FRMPD4: variants seen among roughly 807,000 people sequenced by gnomAD.
FRMPD4 encodes FERM and PDZ domain-containing protein 4.
In FRMPD4, 22 loss-of-function variants were observed where a neutral mutation model predicts 94.1. That is an observed-to-expected ratio of 0.23 (90% CI 0.17 to 0.33). The LOEUF is 0.33. FRMPD4 is among the 10% of genes least tolerant of loss of function. The probability of loss-of-function intolerance (pLI) is 1.00; values close to 1 mark genes in which losing one functional copy is unlikely to be tolerated. For missense variants in FRMPD4, 1,111 were observed against 1,339.9 expected (o/e 0.83, Z 2.67); for synonymous variants, 631 against 548.6 (o/e 1.15, Z -2.10).
At chrX:11,888,895 C>T (rs764400622) in intron 3 of FRMPD4, among the ~76,000 whole-genome samples, 14 of 112,236 alleles carry the variant, frequency 1.2e-4, no homozygotes, top group South Asian at 3.7e-4. Context: ...AGTTGCTCAA[C>T]GCAGGGTTGC....
intron 1 of FRMPD4, among the ~76,000 whole-genome samples, chrX:12,360,614 A>G (rs1427671443): frequency 8.9e-6 from 1 of 111,807 alleles, no homozygotes; most frequent in East Asian, 2.8e-4. Flanking sequence ...GCCAACTGAT[A>G]CAAATTCCTT....
rs2059134850 is a variant in FRMPD4, at chrX:12,606,689, G to A, written c.159-3032G>A. ...CTTCCTCAATTTTATGTCTGCTGTG[G>A]AAAATGGTGAAAACTCAGAATTCAG... On this transcript the variant is annotated intron_variant, in intron 2 of 16. Coordinates refer to ENST00000675598, the MANE Select transcript of FRMPD4 (RefSeq NM_001368397.1). 3.6e-5 allele frequency among the ~76,000 whole-genome samples: 4 copies of A among 111,446 alleles called. No individual in the cohort carries two copies. The Admixed American group carries it at 3.8e-4, about 11-fold the overall frequency.
chrX:11,826,157 T>C (rs1199338549), intron 1 of FRMPD4, among the ~76,000 whole-genome samples: 3 of 112,090 alleles, frequency 2.7e-5, no homozygotes, highest in African/African-American at 6.5e-5. Flanking sequence ...AGTTTTAGCA[T>C]ATTTTATTTT....
intron 3 of FRMPD4, among the ~76,000 whole-genome samples, chrX:11,953,488 AT>A (rs749651962): frequency 9.0e-6 from 1 of 111,370 alleles, no homozygotes; most frequent in Admixed American, 9.6e-5. Context: ...CCATTATCAA[AT>A]AAAAAGCAAA....
chrX:12,317,319 A>G (rs1392537106), intron 1 of FRMPD4, among the ~76,000 whole-genome samples: 1 of 111,391 alleles, frequency 9.0e-6, no homozygotes, highest in African/African-American at 3.3e-5. Flanking sequence ...ACCTAAAACT[A>G]TAAAACTACT....
chrX:12,590,741 A>C (rs764695978), intron 2 of FRMPD4, among the ~76,000 whole-genome samples: 1 of 111,813 alleles, frequency 8.9e-6, no homozygotes, highest in African/African-American at 3.2e-5. Context: ...GTAGTATTCC[A>C]TTCTAAAAGT....
At chrX:12,236,831 G>A (rs193055813) in intron 1 of FRMPD4, among the ~76,000 whole-genome samples, 3 of 112,261 alleles carry the variant, frequency 2.7e-5, no homozygotes, top group African/African-American at 9.7e-5. Flanking sequence ...AACATGAATT[G>A]CTGTACATCA....
rs1206403268 is a variant in FRMPD4 at position 12,718,585 on chromosome X, G to A, written c.3759G>A (p.Gly1253=). Residue 1253 remains glycine, a synonymous_variant, in exon 16 of 17, where the codon GGG becomes GGA. Coordinates refer to ENST00000675598, the MANE Select transcript of FRMPD4 (RefSeq NM_001368397.1). The part of the protein sequence containing the change: ...LGKHLIPDAS[G]KGVNYIPSEE... Reference sequence around the variant, plus strand: ...AGCACTTGATTCCTGACGCTTCTGGGAAAGGCGTGAATTACATTCCTTCAG... The same window carrying A: ...AGCACTTGATTCCTGACGCTTCTGGAAAAGGCGTGAATTACATTCCTTCAG... 8.3e-7 allele frequency: 1 copy of A among 1,210,384 alleles called. No homozygotes were observed.
intron 1 of FRMPD4, among the ~76,000 whole-genome samples, chrX:12,398,607 T>C (rs1246110873): frequency 8.9e-6 from 1 of 111,845 alleles, no homozygotes. Flanking sequence ...ATCAAAATTA[T>C]GGGGCCATAT....
intron 2 of FRMPD4, among the ~76,000 whole-genome samples, chrX:12,570,882 C>T (rs1024758406): frequency 3.6e-5 from 4 of 111,672 alleles, no homozygotes; most frequent in Non-Finnish European, 5.6e-5. Context: ...GATATCATCA[C>T]GCTACTCAGA....
intron 1 of FRMPD4, among the ~76,000 whole-genome samples, chrX:12,398,779 G>A (rs1418692908): frequency 9.0e-6 from 1 of 111,684 alleles, no homozygotes; most frequent in African/African-American, 3.3e-5. Context: ...ATGTTGCCTA[G>A]TTGTAACAAC....
At chrX:12,577,134 C>A in intron 2 of FRMPD4, among the ~76,000 whole-genome samples, 1 of 111,946 alleles carries the variant, frequency 8.9e-6, no homozygotes, top group Middle Eastern at 4.6e-3. Context: ...GGAGAGATGA[C>A]ACTTTAGTTT....
At chrX:11,893,931 G>T (rs775307181) in intron 3 of FRMPD4, among the ~76,000 whole-genome samples, 11 of 112,024 alleles carry the variant, frequency 9.8e-5, no homozygotes, top group Non-Finnish European at 2.1e-4. Context: ...GTTGTGAAGG[G>T]ATTCTGCAGG....
In FRMPD4 at chrX:12,203,407, A is replaced by G. The variant is rs3180932; in HGVS notation, c.41+64395A>G. On this transcript the variant is annotated intron_variant, in intron 1 of 16. Coordinates refer to ENST00000675598, the MANE Select transcript of FRMPD4 (RefSeq NM_001368397.1). ...TCATTCTCAGGAAGATGCTTGGAAG[A>G]CACCAACAAAACACTACATATATAT... 3.6e-5 allele frequency among the ~76,000 whole-genome samples: 4 copies of G among 111,792 alleles called. No individual in the cohort carries two copies. The South Asian group carries it at 1.5e-3, about 42-fold the overall frequency.
In FRMPD4 at chrX:12,688,926, T is replaced by G. The variant is rs149396706; in HGVS notation, c.682-1269T>G. ...GTAAAAGAAAACTATAAGTTTTCAC[T>G]CTAAGGTTTCCGGATCTTGACACTG... On this transcript the variant is annotated intron_variant, in intron 7 of 16. Transcript: ENST00000675598. 5.3e-3 allele frequency among the ~76,000 whole-genome samples: 586 copies of G among 109,797 alleles called. 3 individuals are homozygous for G. The highest frequency in any genetic ancestry group is 0.018 in the African/African-American group (553 of 30,194).
intron 3 of FRMPD4, among the ~76,000 whole-genome samples, chrX:12,047,081 TTA>T (rs759849318): frequency 0.014 from 1,532 of 108,271 alleles, 12 homozygotes; most frequent in South Asian, 0.021. Flanking sequence ...TTATACATGG[TTA>T]TATATATATA....
At chrX:12,627,253 G>A (rs2059355504) in intron 4 of FRMPD4, among the ~76,000 whole-genome samples, 1 of 111,947 alleles carries the variant, frequency 8.9e-6, no homozygotes, top group African/African-American at 3.3e-5. Context: ...TCCAGCTTGG[G>A]CGACAGAGAC....
intron 1 of FRMPD4, among the ~76,000 whole-genome samples, chrX:11,827,085 TAA>T (rs1491567811): frequency 0.043 from 4,193 of 97,424 alleles, 222 homozygotes; most frequent in African/African-American, 0.15. Context: ...TATATATATA[TAA>T]AATATATATG....
intron 1 of FRMPD4, among the ~76,000 whole-genome samples, chrX:12,246,631 A>AT (rs1472262514): frequency 9.4e-6 from 1 of 106,589 alleles, no homozygotes; most frequent in Non-Finnish European, 1.9e-5. Context: ...AAAAATACAT[A>AT]TTTTTTTCTT....
Sources: gnomAD v4.1 joint callset for allele counts (sites outside exome capture counted in the v4.1 genomes callset) on GRCh38, gnomAD v4.1.1 for gene constraint, MANE v1.5 for transcripts, NCBI Gene and HGNC (gene_info 2026-07-23, HGNC 2026-07-21) for gene names.